The following MSRA variants were observed in gnomAD, a reference collection of about 807,000 sequenced individuals.
MSRA encodes the protein mitochondrial peptide methionine sulfoxide reductase.
Under a neutral mutation model 31.3 loss-of-function variants are expected in MSRA, and 54 were observed. That is an observed-to-expected ratio of 1.73 (90% confidence interval 1.39 to 2.17). The LOEUF is 2.17. Ranked by LOEUF, MSRA falls within the 30% of genes most tolerant of loss-of-function variation. MSRA has a pLI of 0.00. For synonymous variants in MSRA, 169 were observed against 116.5 expected (o/e 1.45, Z -2.90); for missense variants, 507 against 300.9 (o/e 1.69, Z -5.07).
intron 4 of MSRA, among the ~76,000 whole-genome samples, chr8:10,301,888 C>T (rs992843284): frequency 7.2e-5 from 11 of 152,254 alleles, no homozygotes; most frequent in East Asian, 3.9e-4. Context: ...CAGAGGAAGA[C>T]GCCAGACAAT....
At chr8:10,061,781 T>C (rs1453380431) in intron 1 of MSRA, among the ~76,000 whole-genome samples, 1 of 152,204 alleles carries the variant, frequency 6.6e-6, no homozygotes, top group Non-Finnish European at 1.5e-5. Flanking sequence ...GTAGTGGTGA[T>C]AGATTTTGGC....
At chr8:10,201,778 AC>A (rs1808523191) in intron 1 of MSRA, among the ~76,000 whole-genome samples, 1 of 152,208 alleles carries the variant, frequency 6.6e-6, no homozygotes, top group African/African-American at 2.4e-5. Flanking sequence ...GGTCTAATTA[AC>A]TGCTACTCTG....
intron 2 of MSRA, among the ~76,000 whole-genome samples, chr8:10,233,705 G>C (rs971433066): frequency 2.0e-5 from 3 of 152,202 alleles, no homozygotes; most frequent in Non-Finnish European, 4.4e-5. Context: ...GTTGAGATGT[G>C]TCAACTGACA....
chr8:10,412,202 A>C (rs533250455), intron 5 of MSRA, among the ~76,000 whole-genome samples: 2 of 152,268 alleles, frequency 1.3e-5, no homozygotes, highest in Admixed American at 6.5e-5. Context: ...GTCTGAACAA[A>C]TAATTGTATA....
intron 2 of MSRA, 99 bp from the exon 3 acceptor site, chr8:10,245,005 C>CTTT: frequency 1.4e-5 from 13 of 908,384 alleles, no homozygotes; most frequent in East Asian, 6.6e-5. Context: ...ACAGGAGCAA[C>CTTT]TTTTTTTTTT....
chr8:10,423,911 A>G (rs867840223), intron 5 of MSRA, among the ~76,000 whole-genome samples: 1 of 152,154 alleles, frequency 6.6e-6, no homozygotes, highest in Non-Finnish European at 1.5e-5. Flanking sequence ...TCATTTTCTC[A>G]TTCATTCATT....
intron 1 of MSRA, among the ~76,000 whole-genome samples, chr8:10,191,897 A>T (rs879861799): frequency 7.2e-5 from 11 of 152,170 alleles, no homozygotes; most frequent in Non-Finnish European, 1.3e-4. Flanking sequence ...AACAACACTC[A>T]TTTACTATCC....
chr8:10,351,220 A>T (rs11777348), intron 5 of MSRA, among the ~76,000 whole-genome samples: 13,749 of 125,968 alleles, frequency 0.11, 748 homozygotes, highest in South Asian at 0.15. Context: ...GTAATGAATG[A>T]TGGTTGTTTT....
At chr8:10,106,108 C>T (rs975064449) in intron 1 of MSRA, among the ~76,000 whole-genome samples, 5 of 152,220 alleles carry the variant, frequency 3.3e-5, no homozygotes, top group African/African-American at 4.8e-5. Flanking sequence ...TGGTTTGCCA[C>T]AGTCATAGGT....
intron 3 of MSRA, among the ~76,000 whole-genome samples, chr8:10,299,648 G>C (rs1023851338): frequency 6.6e-6 from 1 of 152,110 alleles, no homozygotes; most frequent in African/African-American, 2.4e-5. Context: ...CATGAAATTT[G>C]TGTTTTACTT....
chr8:10,206,553 G>C (rs921895663), intron 1 of MSRA, among the ~76,000 whole-genome samples: 4 of 152,188 alleles, frequency 2.6e-5, no homozygotes, highest in Non-Finnish European at 5.9e-5. Flanking sequence ...CGGTCTAAGA[G>C]ATTTACTTGC....
At chr8:10,302,236 T>C (rs1169165396) in intron 4 of MSRA, among the ~76,000 whole-genome samples, 3 of 152,266 alleles carry the variant, frequency 2.0e-5, no homozygotes, top group African/African-American at 7.2e-5. Flanking sequence ...TTTATTTGAA[T>C]GCATACACAA....
At chr8:10,408,127 G>C (rs1464907997) in intron 5 of MSRA, among the ~76,000 whole-genome samples, 5 of 152,186 alleles carry the variant, frequency 3.3e-5, no homozygotes, top group Non-Finnish European at 1.5e-5. Flanking sequence ...CTCACTGTCT[G>C]GAAACAGAGG....
chr8:10,163,571 A>G (rs1804856992), intron 1 of MSRA, among the ~76,000 whole-genome samples: 2 of 152,220 alleles, frequency 1.3e-5, no homozygotes, highest in South Asian at 2.1e-4. Flanking sequence ...TTTCTGCCCC[A>G]CGCTGGAAAG....
chr8:10,398,456 A>C (rs1271084119), intron 5 of MSRA, among the ~76,000 whole-genome samples: 1 of 152,224 alleles, frequency 6.6e-6, no homozygotes, highest in Non-Finnish European at 1.5e-5. Flanking sequence ...AAGTCTGAGC[A>C]CAGTTTTCTC....
At chr8:10,344,628 C>T (rs149632173) in intron 5 of MSRA, among the ~76,000 whole-genome samples, 1 of 132,556 alleles carries the variant, frequency 7.5e-6, no homozygotes, top group Non-Finnish European at 1.6e-5. Context: ...ATGGCCTTGA[C>T]ATAAGGATTA....
chr8:10,150,506 T>C (rs1384250686), intron 1 of MSRA, among the ~76,000 whole-genome samples: 1 of 152,176 alleles, frequency 6.6e-6, no homozygotes, highest in African/African-American at 2.4e-5. Flanking sequence ...AATTTCAAAA[T>C]GCAACCATGT....
At chr8:10,411,723 AT>A (rs1462227390) in intron 5 of MSRA, among the ~76,000 whole-genome samples, 1 of 152,256 alleles carries the variant, frequency 6.6e-6, no homozygotes, top group Non-Finnish European at 1.5e-5. Flanking sequence ...AATAAAAAAA[AT>A]AAAGTTGCTA....
chr8:10,405,340 G>T (rs1367045600), intron 5 of MSRA, among the ~76,000 whole-genome samples: 2 of 152,076 alleles, frequency 1.3e-5, no homozygotes, highest in Non-Finnish European at 2.9e-5. Flanking sequence ...CCATGTTTGG[G>T]CAGCTCATTC....
Sources: allele counts gnomAD v4.1 joint callset (sites outside exome capture counted in the v4.1 genomes callset), GRCh38; gene constraint gnomAD v4.1.1; transcripts MANE v1.5; gene names NCBI Gene and HGNC (gene_info 2026-07-23, HGNC 2026-07-21).